NAA15: variants seen among roughly 807,000 people sequenced by gnomAD.
NAA15 encodes N-alpha-acetyltransferase 15, NatA auxiliary subunit, also known as N-terminal acetyltransferase.
A neutral mutation model predicts 114.0 loss-of-function variants in NAA15; 34 were observed. The observed-to-expected ratio is 0.30, with a 90% confidence interval of 0.23 to 0.40. The LOEUF is 0.40. Among genes scored for constraint, NAA15 ranks in the 10% least tolerant of loss-of-function variants. NAA15 has a pLI of 1.00. For synonymous variants in NAA15, 340 were observed against 338.0 expected (o/e 1.01, Z -0.06); for missense variants, 658 against 1,004.5 (o/e 0.66, Z 4.66).
chr4:139,331,021 G>A (rs1746983505), intron 1 of NAA15, among the ~76,000 whole-genome samples: 1 of 139,788 alleles, frequency 7.2e-6, no homozygotes, highest in South Asian at 2.2e-4. Flanking sequence ...CAAAAATTAT[G>A]AGCAAAATTG....
chr4:139,330,739 G>A (rs1055517214), intron 1 of NAA15, among the ~76,000 whole-genome samples: 7 of 152,140 alleles, frequency 4.6e-5, no homozygotes, highest in African/African-American at 1.7e-4. Context: ...GAAGGCTGAG[G>A]CAGGAGGATT....
intron 14 of NAA15, among the ~76,000 whole-genome samples, chr4:139,363,132 G>C (rs1272307268): frequency 1.3e-5 from 2 of 152,184 alleles, no homozygotes; most frequent in Non-Finnish European, 2.9e-5. Flanking sequence ...CCAGTAAGAA[G>C]AATCTGCTGG....
intron 17 of NAA15, among the ~76,000 whole-genome samples, chr4:139,382,731 A>G (rs1348722302): frequency 6.6e-6 from 1 of 152,208 alleles, no homozygotes; most frequent in East Asian, 1.9e-4. Flanking sequence ...GCCATAGTAG[A>G]GGTTAAACTA....
intron 4 of NAA15, among the ~76,000 whole-genome samples, chr4:139,342,223 A>T (rs770116531): frequency 6.6e-6 from 1 of 151,998 alleles, no homozygotes; most frequent in Non-Finnish European, 1.5e-5. Flanking sequence ...TGTTCTTTCC[A>T]TCCTGCCTCT....
At chr4:139,352,485 A>G (rs192288791) in intron 9 of NAA15, among the ~76,000 whole-genome samples, 4 of 152,190 alleles carry the variant, frequency 2.6e-5, no homozygotes, top group Admixed American at 2.6e-4. Context: ...TTTGGATTCT[A>G]AAAAATCAGT....
At chr4:139,302,046 G>A (rs1162532470) in intron 1 of NAA15, 3 of 446,918 alleles carry the variant, frequency 6.7e-6, no homozygotes, top group Non-Finnish European at 1.2e-5. Context: ...CCATCCCCAC[G>A]CTTGAGGCCC....
chr4:139,324,708 G>T (rs1299731379), intron 1 of NAA15, among the ~76,000 whole-genome samples: 1 of 152,206 alleles, frequency 6.6e-6, no homozygotes, highest in Admixed American at 6.5e-5. Context: ...GAGGCAGGGG[G>T]ATCACCAGAG....
At chr4:139,347,062 C>T (rs1017541393) in intron 6 of NAA15, among the ~76,000 whole-genome samples, 1 of 151,876 alleles carries the variant, frequency 6.6e-6, no homozygotes, top group Non-Finnish European at 1.5e-5. Context: ...TGCGAACCAT[C>T]GTACTCAGCT....
intron 19 of NAA15, 53 bp from the exon 20 acceptor site, chr4:139,387,831 C>T: frequency 1.4e-6 from 2 of 1,418,082 alleles, no homozygotes; most frequent in Non-Finnish European, 2.0e-6. Context: ...AATAAATTCC[C>T]AGTAAGAACC....
chr4:139,342,740 G>T (rs565333796), intron 4 of NAA15, 86 bp from the exon 5 acceptor site: 9 of 1,319,002 alleles, frequency 6.8e-6, no homozygotes, highest in Middle Eastern at 2.0e-4. Flanking sequence ...GAGCCACTGC[G>T]CCTGGCCTAA....
chr4:139,364,993 T>A (rs1249960216), intron 14 of NAA15, among the ~76,000 whole-genome samples: 1 of 152,208 alleles, frequency 6.6e-6, no homozygotes, highest in African/African-American at 2.4e-5. Flanking sequence ...CTGCCTTTTT[T>A]TCTATAGAGG....
At chr4:139,384,614 G>A (rs1748840949) in intron 17 of NAA15, among the ~76,000 whole-genome samples, 1 of 152,036 alleles carries the variant, frequency 6.6e-6, no homozygotes, top group Admixed American at 6.5e-5. Flanking sequence ...TATAGGCTGG[G>A]TGTGGTGGTG....
rs994910363 is a variant in NAA15 at position 139,389,256 on chromosome 4, G to A, written c.*1172G>A. The A allele has an allele frequency of 4.0e-5, 4 of 100,884 alleles. No homozygotes were observed. Among genetic ancestry groups the A allele is most frequent in the Non-Finnish European group, 6.0e-5 (3 of 50,286 alleles). 6.2% of individuals were successfully genotyped at this position (100,884 alleles called of 1,614,324 possible). A position where few individuals can be genotyped will look rare whatever the true frequency, so the allele number is the denominator to read the frequency against. On this transcript the variant is annotated 3_prime_UTR_variant, in exon 20 of 20. Transcript: ENST00000296543. ...GCTTCTTTTTCTTGCAGTTACAGAT[G>A]TAATTTCCTTTTTGTTGTCAAACAT...
intron 1 of NAA15, among the ~76,000 whole-genome samples, chr4:139,309,614 A>G (rs763066498): frequency 4.6e-5 from 7 of 152,114 alleles, no homozygotes; most frequent in Non-Finnish European, 8.8e-5. Flanking sequence ...CTGGAGTGAG[A>G]TGCAGTATGA....
At chr4:139,361,985 T>C in intron 14 of NAA15, 48 bp downstream of exon 14, 2 of 1,309,912 alleles carry the variant, frequency 1.5e-6, no homozygotes, top group Non-Finnish European at 2.2e-6. Flanking sequence ...TTATGTGTAT[T>C]TATGTGTATT....
At chr4:139,306,597 G>T (rs919178904) in intron 1 of NAA15, among the ~76,000 whole-genome samples, 93 of 149,580 alleles carry the variant, frequency 6.2e-4, no homozygotes, top group South Asian at 1.3e-3. Context: ...TTTTGGTCTG[G>T]TTTTTTTTTT....
chr4:139,305,044 G>A (rs954410057), intron 1 of NAA15, among the ~76,000 whole-genome samples: 5 of 152,136 alleles, frequency 3.3e-5, no homozygotes, highest in African/African-American at 1.2e-4. Context: ...TTCAGCCTCC[G>A]GAGTAGGGGG....
intron 14 of NAA15, among the ~76,000 whole-genome samples, chr4:139,368,210 T>C (rs768339732): frequency 2.0e-5 from 3 of 152,234 alleles, no homozygotes; most frequent in Non-Finnish European, 2.9e-5. Context: ...TATCTGACTG[T>C]TACTATGTGT....
chr4:139,377,673 T>C (rs1222217105), intron 16 of NAA15, among the ~76,000 whole-genome samples: 2 of 152,196 alleles, frequency 1.3e-5, no homozygotes, highest in Non-Finnish European at 2.9e-5. Context: ...GTATATAATA[T>C]AGAAGTGGCT....
Sources: allele counts gnomAD v4.1 joint callset (sites outside exome capture counted in the v4.1 genomes callset), GRCh38; gene constraint gnomAD v4.1.1; transcripts MANE v1.5; gene names NCBI Gene and HGNC (gene_info 2026-07-23, HGNC 2026-07-21).